The following SPNS2 variants were observed in gnomAD, a reference collection of about 807,000 sequenced individuals.
SPNS2 encodes the protein sphingosine-1-phosphate transporter SPNS2.
In SPNS2, 37 loss-of-function variants were observed where a neutral mutation model predicts 57.6. The ratio of observed to expected loss-of-function variants is 0.64; its 90% confidence interval spans 0.49 to 0.85. SPNS2 has a LOEUF of 0.85. Ranked by LOEUF, SPNS2 falls within the 40% of genes least tolerant of loss-of-function variation. The pLI, the probability that SPNS2 is intolerant of heterozygous loss-of-function variation, is 0.00. For synonymous variants in SPNS2, 440 were observed against 346.9 expected, an observed-to-expected ratio of 1.27 and a Z score of -2.98; for missense variants, 831 against 779.1, an observed-to-expected ratio of 1.07 and a Z score of -0.79.
At chr17:4,536,855 C>T (rs775311590) in intron 11 of SPNS2, 45 bp from the exon 12 acceptor site, 13 of 1,528,430 alleles carry the variant, frequency 8.5e-6, no homozygotes, top group South Asian at 3.4e-5. Context: ...CCGGGCCCGG[C>T]CCCCGCTGAT....
At chr17:4,502,658 C>A (rs1042649764) in intron 1 of SPNS2, among the ~76,000 whole-genome samples, 1 of 152,156 alleles carries the variant, frequency 6.6e-6, no homozygotes, top group Non-Finnish European at 1.5e-5. Context: ...GCCTGCCTCC[C>A]GGGTTGCGTG....
intron 8 of SPNS2, 151 bp from the exon 9 acceptor site, chr17:4,533,637 A>T: frequency 1.9e-6 from 2 of 1,048,028 alleles, no homozygotes; most frequent in Non-Finnish European, 2.8e-6. Flanking sequence ...GCATGGCTTG[A>T]AGTCTCTGGA....
chr17:4,526,810 G>T (rs910252324), intron 3 of SPNS2, among the ~76,000 whole-genome samples: 2 of 152,164 alleles, frequency 1.3e-5, no homozygotes, highest in Admixed American at 1.3e-4. Context: ...AGGGCAGAGA[G>T]AATCAGCAGG....
At chr17:4,500,590 CA>C (rs1904458607) in intron 1 of SPNS2, among the ~76,000 whole-genome samples, 1 of 150,296 alleles carries the variant, frequency 6.7e-6, no homozygotes. Context: ...AACACACACA[CA>C]ACAGAGAGAG....
chr17:4,499,328 C>T lies in SPNS2; in HGVS notation c.281C>T (p.Pro94Leu), dbSNP rs1299851705. The T allele has an allele frequency of 6.7e-7, 1 of 1,484,828 alleles. No homozygotes were observed. The highest frequency in any genetic ancestry group is 1.5e-5 in the African/African-American group (1 of 68,754). 92.0% of individuals were successfully genotyped at this position (1,484,828 alleles called of 1,614,324 possible). A position where few individuals can be genotyped will look rare whatever the true frequency, so the allele number is the denominator to read the frequency against. ...AKGPGAQQPK[P>L]ASLGRGRGAA... is the part of the protein sequence containing the mutation. ...GGCCCCGGCGCTCAGCAGCCCAAAC[C>T]GGCCAGCTTGGGCCGCGGGCGGGGG... The change falls in exon 1 of 13, where the codon CCG (proline) becomes CTG (leucine). Residue 94 changes from proline to leucine, a missense_variant. Around this residue, in one of 2 missense-constraint regions of SPNS2, gnomAD observed 305 missense variants for 378.3 expected, o/e 0.81. Coordinates refer to ENST00000329078, the MANE Select transcript of SPNS2 (RefSeq NM_001124758.3). This position sits in a 1 kb window ranked among gnomAD's most constrained non-coding sequence, Gnocchi z 5.2.
At chr17:4,500,574 C>G (rs1231446467) in intron 1 of SPNS2, among the ~76,000 whole-genome samples, 1 of 147,448 alleles carries the variant, frequency 6.8e-6, no homozygotes, top group Non-Finnish European at 1.5e-5. Flanking sequence ...AAATCTGGAG[C>G]TATCAAACAC....
intron 1 of SPNS2, among the ~76,000 whole-genome samples, chr17:4,506,559 C>T (rs1459832682): frequency 6.6e-6 from 1 of 152,178 alleles, no homozygotes; most frequent in Non-Finnish European, 1.5e-5. Flanking sequence ...AAATGATAGA[C>T]TAGAACCACA....
rs953925518 is a variant in SPNS2, at chr17:4,512,646, G to A, written c.371-601G>A. ...CTGGGGTGACAGTGTGTGTGTGTGCGTGCGCGCGCACGGGTATGTGTGTGC... is the reference window on the plus strand; with the variant it reads ...CTGGGGTGACAGTGTGTGTGTGTGCATGCGCGCGCACGGGTATGTGTGTGC... On this transcript the variant is annotated intron_variant, in intron 1 of 12. Transcript: ENST00000329078. This position sits in a 1 kb window ranked among gnomAD's most constrained non-coding sequence, Gnocchi z 5.2. 4.0e-5 allele frequency among the ~76,000 whole-genome samples: 6 copies of A among 151,866 alleles called. No individual in the cohort carries two copies. The highest frequency in any genetic ancestry group is 1.9e-4 in the East Asian group (1 of 5,156).
chr17:4,535,437 T>G (rs940160995), intron 9 of SPNS2, among the ~76,000 whole-genome samples: 4 of 152,098 alleles, frequency 2.6e-5, no homozygotes, highest in Non-Finnish European at 4.4e-5. Context: ...CAAATGGCTG[T>G]GGCGGGGGTT....
In SPNS2 at chr17:4,537,522, G is replaced by C. The variant is rs537289105; in HGVS notation, c.*74G>C. 2.2e-6 allele frequency: 1 copy of C among 456,708 alleles called. No homozygotes were observed. Among genetic ancestry groups the C allele is most frequent in the Non-Finnish European group, 4.4e-6 (1 of 227,020 alleles). 28.3% of individuals were successfully genotyped at this position (456,708 alleles called of 1,614,324 possible). A position where few individuals can be genotyped will look rare whatever the true frequency, so the allele number is the denominator to read the frequency against. ...GAGGTGTCCTACAGCGTCCGGGACCGGCTGGGCTGCCCCAAAGCTTTCTGT... is the reference window on the plus strand; with the variant it reads ...GAGGTGTCCTACAGCGTCCGGGACCCGCTGGGCTGCCCCAAAGCTTTCTGT... On this transcript the variant is annotated 3_prime_UTR_variant, in exon 13 of 13. Coordinates refer to ENST00000329078, the MANE Select transcript of SPNS2 (RefSeq NM_001124758.3).
Position 4,511,067 on chromosome 17 carries a change from G to A in SPNS2, c.371-2180G>A, listed in dbSNP as rs901190176. ...GTCTGTACCATCTTCAAAGCCTCAC[G>A]CAGTTCCTTGGAACTTAGCGGGAAG... On this transcript the variant is annotated intron_variant, in intron 1 of 12. Coordinates refer to ENST00000329078, the MANE Select transcript of SPNS2 (RefSeq NM_001124758.3). The surrounding 1 kb of genome is among the most constrained non-coding windows in gnomAD (Gnocchi z 4.6). Among the ~76,000 whole-genome samples the A allele has an allele frequency of 2.6e-5, 4 of 152,224 alleles. No homozygotes were observed. The highest frequency in any genetic ancestry group is 6.5e-5 in the Admixed American group (1 of 15,280).
At position 4,538,953 on chromosome 17, in the gene SPNS2, C is replaced by T; in HGVS notation, c.*1505C>T. The T allele has an allele frequency of 1.3e-6, 1 of 785,250 alleles. No individual in the cohort carries two copies. Among genetic ancestry groups the T allele is most frequent in the East Asian group, 2.4e-5 (1 of 41,274 alleles). The allele number at this position is 785,250 out of a possible 1,614,324, so 48.6% of individuals were successfully genotyped here. A position where few individuals can be genotyped will look rare whatever the true frequency, so the allele number is the denominator to read the frequency against. On this transcript the variant is annotated 3_prime_UTR_variant, in exon 13 of 13. Coordinates refer to ENST00000329078, the MANE Select transcript of SPNS2 (RefSeq NM_001124758.3). ...CAAACTGCTCCTTTATTTTTTAGAG[C>T]TGCTGATTGTGAATCTCAGAGTCTT...
At chr17:4,531,000 C>A in intron 4 of SPNS2, 53 bp from the exon 5 acceptor site, 1 of 1,598,102 alleles carries the variant, frequency 6.3e-7, no homozygotes, top group East Asian at 2.3e-5. Flanking sequence ...GCGGGCACTC[C>A]CTGTCCCCAG....
Position 4,530,735 on chromosome 17 carries a change from C to A in SPNS2, c.677C>A (p.Thr226Lys), listed in dbSNP as rs202089427. Residue 226 changes from threonine to lysine, a missense_variant, in exon 4 of 13, where the codon ACG (threonine) becomes AAG (lysine). Thr to Lys is a moderately conservative substitution (Grantham distance 78, BLOSUM62 -1). Around this residue, in one of 2 missense-constraint regions of SPNS2, gnomAD observed 305 missense variants for 378.3 expected, o/e 0.81. Coordinates refer to ENST00000329078, the MANE Select transcript of SPNS2 (RefSeq NM_001124758.3). ...TIIGDLFTKN[T>K]RTLMLSVFYF... Reference sequence around the variant, plus strand: ...ATTGGCGACCTCTTCACCAAGAACACGCGTACGCTCATGCTGTCCGTCTTC... The same window carrying A: ...ATTGGCGACCTCTTCACCAAGAACAAGCGTACGCTCATGCTGTCCGTCTTC... The A allele has an allele frequency of 6.2e-7, 1 of 1,613,958 alleles. No homozygotes were observed.
chr17:4,506,893 G>C (rs1422792146), intron 1 of SPNS2, among the ~76,000 whole-genome samples: 2 of 152,188 alleles, frequency 1.3e-5, no homozygotes, highest in Non-Finnish European at 2.9e-5. Flanking sequence ...GGATGTCTTG[G>C]GATTCTGGGC....
intron 1 of SPNS2, among the ~76,000 whole-genome samples, chr17:4,503,895 G>A (rs1236195885): frequency 1.3e-5 from 2 of 152,060 alleles, no homozygotes; most frequent in African/African-American, 4.8e-5. Flanking sequence ...GGGAACACAA[G>A]CCGAGAGGGA....
chr17:4,538,668 C>A lies in SPNS2; in HGVS notation c.*1220C>A, dbSNP rs1005943835. The A allele has an allele frequency of 3.8e-6, 2 of 526,598 alleles. No homozygotes were observed. The highest frequency in any genetic ancestry group is 3.4e-5 in the East Asian group (1 of 29,000). 32.6% of individuals were successfully genotyped at this position (526,598 alleles called of 1,614,324 possible). ...GTGAGGCCTTGTGGCCAATGGGGGA[C>A]CCCCCAAGAGCCAGCTTGGACAATG... is the stretch of plus-strand genomic sequence containing the variant. On this transcript the variant is annotated 3_prime_UTR_variant, in exon 13 of 13. Coordinates refer to ENST00000329078, the MANE Select transcript of SPNS2 (RefSeq NM_001124758.3).
chr17:4,529,188 C>G (rs533534886), intron 3 of SPNS2, among the ~76,000 whole-genome samples: 1 of 152,036 alleles, frequency 6.6e-6, no homozygotes, highest in Non-Finnish European at 1.5e-5. Context: ...CCCGACTCAG[C>G]CTCCCAAAGT....
chr17:4,537,036 A>G (rs1905877429), intron 12 of SPNS2, 90 bp downstream of exon 12: 1 of 1,387,270 alleles, frequency 7.2e-7, no homozygotes, highest in Non-Finnish European at 1.0e-6. Flanking sequence ...CTCCAGAGTC[A>G]CCTCCTACCC....
Sources: allele counts gnomAD v4.1 joint callset (sites outside exome capture counted in the v4.1 genomes callset), GRCh38; gene constraint gnomAD v4.1.1; regional missense constraint gnomAD v4.1.1; non-coding constraint Gnocchi (gnomAD v3.1); transcripts MANE v1.5; gene names NCBI Gene and HGNC (gene_info 2026-07-23, HGNC 2026-07-21).